The following TAFA1 variants were observed in gnomAD, a reference collection of about 807,000 sequenced individuals.
The protein encoded by TAFA1 is chemokine-like protein TAFA-1.
TAFA1 carries 4 observed loss-of-function variants against 18.5 expected under a neutral mutation model. The observed-to-expected ratio is 0.22, with a 90% CI of 0.11 to 0.49. The LOEUF (loss-of-function observed/expected upper bound fraction) is 0.49. Ranked by LOEUF, TAFA1 falls within the 20% of genes least tolerant of loss-of-function variation. The pLI, the probability that TAFA1 is intolerant of heterozygous loss-of-function variation, is 0.98. For missense variants in TAFA1, 147 were observed against 169.0 expected (o/e 0.87, Z 0.72); for synonymous variants, 56 against 55.2 (o/e 1.01, Z -0.06).
intron 3 of TAFA1, among the ~76,000 whole-genome samples, chr3:68,511,018 G>T (rs1203881377): frequency 6.6e-6 from 1 of 152,132 alleles, no homozygotes. Context: ...CAGGAGAAAG[G>T]TCAGATATCT....
In TAFA1 at chr3:68,539,675, G is replaced by GT. The variant is rs1228835836; in HGVS notation, c.384+796dup. On this transcript the variant is annotated intron_variant, in intron 4 of 4. Transcript: ENST00000478136. ...TCTCTTTGTCTCTCTCTGTGTGTGT[G>GT]TGTGGGGGGGCATGGGGTGGGTGGG... 1.1e-3 allele frequency among the ~76,000 whole-genome samples: 20 copies of GT among 18,430 alleles called. No individual in the cohort carries two copies. The East Asian group carries it at 0.028, about 26-fold the overall frequency. 12.1% of individuals were successfully genotyped at this position (18,430 alleles called of 152,430 possible). A position where few individuals can be genotyped will look rare whatever the true frequency, so the allele number is the denominator to read the frequency against.
intron 2 of TAFA1, among the ~76,000 whole-genome samples, chr3:68,201,442 T>C (rs972544273): frequency 1.3e-5 from 2 of 151,748 alleles, no homozygotes. Context: ...TCTGATTTTC[T>C]GCCTGCTGGA....
At chr3:68,231,210 C>A (rs901859566) in intron 2 of TAFA1, among the ~76,000 whole-genome samples, 1 of 152,082 alleles carries the variant, frequency 6.6e-6, no homozygotes, top group Non-Finnish European at 1.5e-5. Context: ...TTATTATAAA[C>A]ATTTAAATAC....
At chr3:68,471,252 C>G (rs936136744) in intron 3 of TAFA1, among the ~76,000 whole-genome samples, 1 of 152,200 alleles carries the variant, frequency 6.6e-6, no homozygotes, top group African/African-American at 2.4e-5. Flanking sequence ...TCATGGAGAA[C>G]CTCTGCTAGG....
chr3:68,243,342 A>G (rs1179382544), intron 2 of TAFA1, among the ~76,000 whole-genome samples: 1 of 151,500 alleles, frequency 6.6e-6, no homozygotes, highest in Admixed American at 6.6e-5. Context: ...ACTCATTTGC[A>G]TGTGTGTGTG....
intron 2 of TAFA1, among the ~76,000 whole-genome samples, chr3:68,047,202 T>C (rs2064400352): frequency 6.6e-6 from 1 of 152,208 alleles, no homozygotes; most frequent in Admixed American, 6.5e-5. Flanking sequence ...TCTAGGATCT[T>C]ATGTGGCGAC....
intron 2 of TAFA1, among the ~76,000 whole-genome samples, chr3:68,103,508 A>G (rs1017136878): frequency 2.0e-5 from 3 of 152,212 alleles, no homozygotes. Context: ...ATCAATTAAC[A>G]TATTTGCATG....
intron 2 of TAFA1, among the ~76,000 whole-genome samples, chr3:68,155,709 T>G (rs1445486087): frequency 6.6e-6 from 1 of 152,138 alleles, no homozygotes; most frequent in East Asian, 1.9e-4. Flanking sequence ...TGGAAAGTGC[T>G]TCACATGATA....
intron 2 of TAFA1, among the ~76,000 whole-genome samples, chr3:68,276,687 T>C (rs556008732): frequency 6.6e-6 from 1 of 152,336 alleles, no homozygotes; most frequent in East Asian, 1.9e-4. Flanking sequence ...TTTTACTTTA[T>C]AAATATGTAA....
At chr3:68,220,254 T>C (rs1258551781) in intron 2 of TAFA1, among the ~76,000 whole-genome samples, 1 of 152,130 alleles carries the variant, frequency 6.6e-6, no homozygotes, top group Non-Finnish European at 1.5e-5. Context: ...AACAAAGATA[T>C]ATAAAGATTG....
chr3:68,235,498 C>T (rs2066917926), intron 2 of TAFA1, among the ~76,000 whole-genome samples: 1 of 152,114 alleles, frequency 6.6e-6, no homozygotes, highest in Non-Finnish European at 1.5e-5. Context: ...AATTGCATTC[C>T]AGGTTCATAC....
chr3:68,250,172 C>G (rs772373186), intron 2 of TAFA1, among the ~76,000 whole-genome samples: 1 of 151,982 alleles, frequency 6.6e-6, no homozygotes, highest in Non-Finnish European at 1.5e-5. Flanking sequence ...CCAGACTTCT[C>G]CATGTACTAA....
chr3:68,044,542 T>A (rs998868589), intron 2 of TAFA1, among the ~76,000 whole-genome samples: 1 of 152,226 alleles, frequency 6.6e-6, no homozygotes, highest in East Asian at 1.9e-4. Flanking sequence ...CACTCCAGCC[T>A]GGGCCTGGGT....
At chr3:68,267,222 A>C (rs1322863784) in intron 2 of TAFA1, among the ~76,000 whole-genome samples, 2 of 152,146 alleles carry the variant, frequency 1.3e-5, no homozygotes, top group African/African-American at 4.8e-5. Flanking sequence ...TCAAAACATC[A>C]CATTGTACCC....
chr3:68,529,436 T>TAAAA lies in TAFA1; in HGVS notation c.260-9293_260-9290dup, dbSNP rs533214097. On this transcript the variant is annotated intron_variant, in intron 3 of 4. Coordinates refer to ENST00000478136, the MANE Select transcript of TAFA1 (RefSeq NM_213609.4). ...CATGGAATCTAGATTCACCATTCTC[T>TAAAA]AAAAAAAAAAAAAAAAAAAAAAAAA... Among the ~76,000 whole-genome samples, 99 of 77,048 alleles carry TAAAA rather than the reference T, an allele frequency of 1.3e-3. 3 individuals are homozygous for TAAAA. The highest frequency in any genetic ancestry group is 3.5e-3 in the African/African-American group (78 of 22,044). The allele number at this position is 77,048 out of a possible 152,430, so 50.5% of individuals were successfully genotyped here. A position where few individuals can be genotyped will look rare whatever the true frequency, so the allele number is the denominator to read the frequency against.
chr3:68,145,508 G>A (rs765728582), intron 2 of TAFA1: 2 of 1,012,026 alleles, frequency 2.0e-6, no homozygotes, highest in East Asian at 2.4e-5. Flanking sequence ...AAAGCCAGTT[G>A]CAGGGGCCCT....
At chr3:68,520,892 A>G (rs923876834) in intron 3 of TAFA1, among the ~76,000 whole-genome samples, 2 of 152,230 alleles carry the variant, frequency 1.3e-5, no homozygotes, top group East Asian at 1.9e-4. Context: ...TGGTGCAGTC[A>G]AACACCTGGA....
intron 2 of TAFA1, among the ~76,000 whole-genome samples, chr3:68,379,733 T>TA (rs1252787719): frequency 6.6e-6 from 1 of 151,852 alleles, no homozygotes; most frequent in Non-Finnish European, 1.5e-5. Context: ...GATTTTTTTT[T>TA]TTGAGTCTGT....
At chr3:68,141,628 T>C (rs2065668192) in intron 2 of TAFA1, among the ~76,000 whole-genome samples, 2 of 152,294 alleles carry the variant, frequency 1.3e-5, no homozygotes, top group South Asian at 4.1e-4. Flanking sequence ...TTGAGAAAGA[T>C]AAGTTTTGGT....
Sources: gnomAD v4.1 joint callset for allele counts (sites outside exome capture counted in the v4.1 genomes callset) on GRCh38, gnomAD v4.1.1 for gene constraint, MANE v1.5 for transcripts, NCBI Gene and HGNC (gene_info 2026-07-23, HGNC 2026-07-21) for gene names.